Variants in CYP4B1 observed in about 807,000 individuals in gnomAD.
The protein encoded by CYP4B1 is cytochrome P450 family 4 subfamily B member 1.
CYP4B1 carries 45 observed loss-of-function variants against 54.0 expected under a neutral mutation model. The observed-to-expected ratio is 0.83, with a 90% CI of 0.66 to 1.07. The LOEUF (loss-of-function observed/expected upper bound fraction) is 1.07. Among genes scored for constraint, CYP4B1 ranks in the 50% least tolerant of loss-of-function variants. The probability of loss-of-function intolerance (pLI) is 0.00; values close to 1 mark genes in which losing one functional copy is unlikely to be tolerated. For missense variants in CYP4B1, 656 were observed against 655.4 expected (o/e 1.00, Z -0.01); for synonymous variants, 248 against 247.5 (o/e 1.00, Z -0.02).
intron 1 of CYP4B1, among the ~76,000 whole-genome samples, chr1:46,805,499 T>A (rs987837262): frequency 2.6e-5 from 4 of 152,244 alleles, no homozygotes; most frequent in Non-Finnish European, 4.4e-5. Context: ...TTCTGTATGT[T>A]ATCTGTTCAC....
chr1:46,808,662 A>G (rs982884179), intron 1 of CYP4B1, among the ~76,000 whole-genome samples: 7 of 151,538 alleles, frequency 4.6e-5, no homozygotes, highest in Non-Finnish European at 8.9e-5. Context: ...ATAAAGACAC[A>G]TGCACACGTA....
chr1:46,818,295 G>A, intron 11 of CYP4B1, 82 bp downstream of exon 11: 3 of 1,288,750 alleles, frequency 2.3e-6, no homozygotes, highest in South Asian at 1.2e-5. Flanking sequence ...ACTATTAGAA[G>A]GTACTCTGAA....
intron 7 of CYP4B1, 196 bp from the exon 8 acceptor site, chr1:46,814,878 G>T (rs11576162): frequency 3.4e-6 from 2 of 593,070 alleles, no homozygotes; most frequent in East Asian, 2.9e-5. Context: ...CATTTAGGGA[G>T]GGCTTTGTGG....
In CYP4B1 at chr1:46,815,066, T is replaced by C. The variant is rs1258578925; in HGVS notation, c.883-8T>C. On this transcript the variant is annotated splice_polypyrimidine_tract_variant and splice_region_variant and intron_variant, in intron 7 of 11. Coordinates refer to ENST00000371923, the MANE Select transcript of CYP4B1 (RefSeq NM_001099772.2). ...TCAAGCTGTCCTATTATGCCTTCCC[T>C]AACCCAGGATGAAGATGACATCAAA... 3.1e-6 allele frequency: 5 copies of C among 1,610,132 alleles called. No homozygotes were observed. The highest frequency in any genetic ancestry group is 3.4e-5 in the Admixed American group (2 of 59,320).
chr1:46,812,649 G>T, intron 4 of CYP4B1, 26 bp downstream of exon 4: 2 of 1,607,874 alleles, frequency 1.2e-6, no homozygotes, highest in Non-Finnish European at 1.7e-6. Flanking sequence ...CAGAGTACTG[G>T]AGGCTGTTGC....
chr1:46,803,132 C>T (rs542767613), intron 1 of CYP4B1, among the ~76,000 whole-genome samples: 5 of 152,108 alleles, frequency 3.3e-5, no homozygotes, highest in East Asian at 1.9e-4. Context: ...ATTTTGAGGA[C>T]GATGGGGAAT....
chr1:46,815,504 C>A (rs1460683753), intron 8 of CYP4B1: 6 of 379,540 alleles, frequency 1.6e-5, no homozygotes, highest in African/African-American at 4.2e-5. Context: ...AAGTTGTCAA[C>A]AAGAGGCTGA....
rs1261163226 is a variant in CYP4B1, at chr1:46,800,197, C to CTCTT, written c.180+952_180+955dup. Among the ~76,000 whole-genome samples, 10 of 28,800 alleles carry CTCTT rather than the reference C, an allele frequency of 3.5e-4. 2 individuals carry two copies. Among genetic ancestry groups the CTCTT allele is most frequent in the African/African-American group, 5.7e-4 (10 of 17,460 alleles). 18.9% of individuals were successfully genotyped at this position (28,800 alleles called of 152,430 possible). On this transcript the variant is annotated intron_variant, in intron 1 of 11. Transcript: ENST00000371923. Reference sequence around the variant, plus strand: ...CTTCTTTCTTTCTCTTTCTTTCTTTCTCTTTCTTTCTTTCTTTCTCTTTCT... The same window carrying CTCTT: ...CTTCTTTCTTTCTCTTTCTTTCTTTCTCTTTCTTTCTTTCTTTCTTTCTCTTTCT...
intron 11 of CYP4B1, among the ~76,000 whole-genome samples, chr1:46,818,428 G>T (rs1679424759): frequency 6.6e-6 from 1 of 152,154 alleles, no homozygotes; most frequent in Admixed American, 6.5e-5. Flanking sequence ...AGAACCCCAT[G>T]CCAGACCCCC....
rs139260218 is a variant in CYP4B1 at position 46,815,613 on chromosome 1, G to C, written c.1073+349G>C. Among the ~76,000 whole-genome samples the C allele has an allele frequency of 5.9e-5, 9 of 152,312 alleles. 1 individual carries two copies. Among genetic ancestry groups the C allele is most frequent in the African/African-American group, 1.9e-4 (8 of 41,578 alleles). On this transcript the variant is annotated intron_variant, in intron 8 of 11. Coordinates refer to ENST00000371923, the MANE Select transcript of CYP4B1 (RefSeq NM_001099772.2). ...CTGGGAGAGAAAGAGGTGGAAATGT[G>C]GGGGTGAACAGAGCTGAGACAGCTG...
rs752844107 is a variant in CYP4B1, at chr1:46,814,017, T to A, written c.729T>A (p.His243Gln). The A allele has an allele frequency of 1.2e-6, 2 of 1,614,148 alleles. No individual in the cohort carries two copies. Among genetic ancestry groups the A allele is most frequent in the Non-Finnish European group, 8.5e-7 (1 of 1,180,008 alleles). The change falls in exon 6 of 12, where the codon CAT becomes CAA. Residue 243 changes from histidine to glutamine, a missense_variant. Physicochemically the swap from His to Gln is conservative, Grantham distance 24 (BLOSUM62 0). Transcript: ENST00000371923. ...ACTTCATCTACTGGCTCACCCCACA[T>A]GGCCGCCGCTTCCTGCGGGCCTGCC... is the stretch of plus-strand genomic sequence containing the variant. ...HNDFIYWLTP[H>Q]GRRFLRACQV...
Position 46,802,049 on chromosome 1 carries a change from G to A in CYP4B1, c.180+2788G>A, listed in dbSNP as rs530868814. Among the ~76,000 whole-genome samples the A allele has an allele frequency of 3.9e-5, 6 of 152,278 alleles. No individual in the cohort carries two copies. The East Asian group carries it at 5.8e-4, about 15-fold the overall frequency. On this transcript the variant is annotated intron_variant, in intron 1 of 11. Coordinates refer to ENST00000371923, the MANE Select transcript of CYP4B1 (RefSeq NM_001099772.2). ...AATTCTCAGAATGTGTCTTCTGGAG[G>A]TGGGGACATGTCCTATTCTTCCAGG...
At chr1:46,816,537 G>C (rs1170571001) in intron 8 of CYP4B1, among the ~76,000 whole-genome samples, 1 of 149,404 alleles carries the variant, frequency 6.7e-6, no homozygotes, top group African/African-American at 2.5e-5. Context: ...GTTATAGTTG[G>C]ATGTCACATT....
In CYP4B1 at chr1:46,818,214, G is replaced by C; in HGVS notation, c.1355+1G>C. On this transcript the variant is annotated splice_donor_variant, in intron 11 of 11. Coordinates refer to ENST00000371923, the MANE Select transcript of CYP4B1 (RefSeq NM_001099772.2). LOFTEE classifies it high-confidence loss of function. The stretch of plus-strand genomic sequence containing the variant: ...TTATGCCCTTCTCTGCTGGGCCCAG[G>C]TATGGAGAGACCCAGTATCCCAGGC... The C allele has an allele frequency of 6.2e-7, 1 of 1,613,492 alleles. No individual in the cohort carries two copies.
At chr1:46,816,947 G>A (rs1357323081) in intron 8 of CYP4B1, 101 bp from the exon 9 acceptor site, 2 of 1,360,424 alleles carry the variant, frequency 1.5e-6, no homozygotes, top group African/African-American at 2.9e-5. Context: ...ACTCTTGAGT[G>A]TGTGGTGGTG....
rs377304060 is a variant in CYP4B1 at position 46,813,999 on chromosome 1, C to T, written c.711C>T (p.Ile237=). Residue 237 remains isoleucine (I), a synonymous_variant, in exon 6 of 12, where the codon ATC becomes ATT. Coordinates refer to ENST00000371923, the MANE Select transcript of CYP4B1 (RefSeq NM_001099772.2). ...CCTTCCAGTACCATAATGACTTCAT[C>T]TACTGGCTCACCCCACATGGCCGCC... ...LVSFQYHNDF[I]YWLTPHGRRF... is the part of the protein sequence containing the mutation. 1 of 1,614,186 alleles carries T rather than the reference C, an allele frequency of 6.2e-7. No individual in the cohort carries two copies. The highest frequency in any genetic ancestry group is 1.1e-5 in the South Asian group (1 of 91,084).
chr1:46,803,998 G>A, intron 1 of CYP4B1, among the ~76,000 whole-genome samples: 1 of 152,160 alleles, frequency 6.6e-6, no homozygotes, highest in Non-Finnish European at 1.5e-5. Flanking sequence ...AGAGTTCCGG[G>A]GGTTGATTAT....
intron 11 of CYP4B1, 61 bp downstream of exon 11, chr1:46,818,274 A>T: frequency 6.9e-7 from 1 of 1,444,910 alleles, no homozygotes; most frequent in African/African-American, 1.4e-5. Flanking sequence ...GGATGACATC[A>T]TAGGGGAGGC....
intron 8 of CYP4B1, among the ~76,000 whole-genome samples, chr1:46,815,957 G>T (rs1679318656): frequency 6.6e-6 from 1 of 152,166 alleles, no homozygotes; most frequent in African/African-American, 2.4e-5. Flanking sequence ...CCAAGAGGGG[G>T]CTAGGCACAC....
Sources: gnomAD v4.1 joint callset for allele counts (sites outside exome capture counted in the v4.1 genomes callset) on GRCh38, gnomAD v4.1.1 for gene constraint, MANE v1.5 for transcripts, NCBI Gene and HGNC (gene_info 2026-07-23, HGNC 2026-07-21) for gene names.